The following WDR19 variants were observed in gnomAD, a reference collection of about 807,000 sequenced individuals.
WDR19 encodes WD repeat domain 19, also known as WD repeat-containing protein 19.
In WDR19, 121 loss-of-function variants were observed where a neutral mutation model predicts 180.0. The ratio of observed to expected loss-of-function variants is 0.67; its 90% CI spans 0.58 to 0.78. The LOEUF (loss-of-function observed/expected upper bound fraction) is 0.78. Among genes scored for constraint, WDR19 ranks in the 30% least tolerant of loss-of-function variants. The pLI is 0.00. For missense variants in WDR19, 1,450 were observed against 1,640.7 expected (o/e 0.88, Z 2.01); for synonymous variants, 497 against 540.7 (o/e 0.92, Z 1.12).
chr4:39,245,082 A>G (rs1732375333), intron 23 of WDR19, among the ~76,000 whole-genome samples: 1 of 151,216 alleles, frequency 6.6e-6, no homozygotes, highest in Admixed American at 6.6e-5. Context: ...GATTACAGGC[A>G]TGCTGCCACA....
chr4:39,201,328 G>C (rs1345017920), intron 6 of WDR19, among the ~76,000 whole-genome samples: 1 of 152,156 alleles, frequency 6.6e-6, no homozygotes, highest in Non-Finnish European at 1.5e-5. Context: ...TCTGCAAGAT[G>C]CATTTATTAT....
intron 9 of WDR19, among the ~76,000 whole-genome samples, chr4:39,212,751 T>C (rs1193235515): frequency 1.3e-5 from 2 of 152,260 alleles, no homozygotes; most frequent in Admixed American, 6.5e-5. Context: ...GACCCAACAG[T>C]ATGTCATATG....
intron 8 of WDR19, 112 bp downstream of exon 8, chr4:39,205,378 C>A (rs901275654): frequency 2.2e-4 from 263 of 1,202,062 alleles, no homozygotes; most frequent in Non-Finnish European, 2.8e-4. Context: ...TTCTATACGT[C>A]ACATTTTCTG....
chr4:39,253,761 A>G, intron 25 of WDR19, 145 bp from the exon 26 acceptor site: 1 of 576,860 alleles, frequency 1.7e-6, no homozygotes, highest in South Asian at 2.3e-5. Flanking sequence ...CCTGGGTGAC[A>G]GAGTGTGACT....
Position 39,240,177 on chromosome 4 carries a change from TAAAAAAAAAAAAA to T in WDR19, c.2364-87_2364-75del, listed in dbSNP as rs55876795. 1,113 of 146,872 alleles carry T rather than the reference TAAAAAAAAAAAAA, an allele frequency of 7.6e-3. 10 individuals carry two copies. The highest frequency in any genetic ancestry group is 0.01 in the Non-Finnish European group (1,040 of 103,596). The allele number at this position is 146,872 out of a possible 1,614,324, so 9.1% of individuals were successfully genotyped here. ...GGGCAACAGAGTGAGACCCTGTCTCTAAAAAAAAAAAAAAAAAAAAAAAAAGGAAAAAGTACAT... is the reference window on the plus strand; with the variant it reads ...GGGCAACAGAGTGAGACCCTGTCTCTAAAAAAAAAAAAGGAAAAAGTACAT... On this transcript the variant is annotated intron_variant, in intron 20 of 36. Transcript: ENST00000399820.
intron 24 of WDR19, among the ~76,000 whole-genome samples, chr4:39,247,130 G>A (rs754397127): frequency 6.6e-6 from 1 of 152,060 alleles, no homozygotes; most frequent in Non-Finnish European, 1.5e-5. Flanking sequence ...CACCTCACAC[G>A]GGGCTGGGTA....
intron 13 of WDR19, among the ~76,000 whole-genome samples, 187 bp downstream of exon 13, chr4:39,217,427 C>T (rs1729176377): frequency 6.6e-6 from 1 of 152,038 alleles, no homozygotes; most frequent in South Asian, 2.1e-4. Context: ...AACCCTGTTC[C>T]CCAAAAACCT....
intron 15 of WDR19, among the ~76,000 whole-genome samples, chr4:39,227,075 A>G (rs1461595823): frequency 6.6e-6 from 1 of 152,182 alleles, no homozygotes; most frequent in Non-Finnish European, 1.5e-5. Flanking sequence ...GATATTTTAC[A>G]ATCTTTTTTT....
chr4:39,261,862 G>C (rs6842390), intron 28 of WDR19, among the ~76,000 whole-genome samples: 64,195 of 151,982 alleles, frequency 0.42, 15,579 homozygotes, highest in African/African-American at 0.68. Flanking sequence ...GACATGTAGT[G>C]AGTGAAACCA....
At chr4:39,258,574 T>C (rs1733982004) in intron 28 of WDR19, among the ~76,000 whole-genome samples, 1 of 152,210 alleles carries the variant, frequency 6.6e-6, no homozygotes, top group African/African-American at 2.4e-5. Context: ...ATATTAGGAA[T>C]AAAGCTGCAC....
chr4:39,223,287 T>G (rs1367137958), intron 14 of WDR19, among the ~76,000 whole-genome samples: 1 of 152,190 alleles, frequency 6.6e-6, no homozygotes, highest in East Asian at 1.9e-4. Flanking sequence ...ATAAAGCTAT[T>G]AAAAATAAGA....
intron 19 of WDR19, 106 bp downstream of exon 19, chr4:39,232,378 A>G (rs1219233575): frequency 1.1e-6 from 1 of 916,684 alleles, no homozygotes; most frequent in Non-Finnish European, 1.7e-6. Context: ...TAATTCCAGC[A>G]CTTTGGGAGG....
chr4:39,281,236 TAGAGAGAG>T (rs1553919999), intron 36 of WDR19, among the ~76,000 whole-genome samples: 1 of 104,040 alleles, frequency 9.6e-6, no homozygotes, highest in Admixed American at 9.1e-5. Flanking sequence ...TATATATATA[TAGAGAGAG>T]AGAGAGAGAG....
intron 36 of WDR19, among the ~76,000 whole-genome samples, chr4:39,282,461 A>G (rs1277551953): frequency 6.6e-6 from 1 of 152,090 alleles, no homozygotes; most frequent in African/African-American, 2.4e-5. Context: ...GCAATGATGC[A>G]ATCTCAGCTC....
At position 39,270,205 on chromosome 4, in the gene WDR19, T is replaced by C. The variant is rs942577009; in HGVS notation, c.3483+105T>C. The C allele has an allele frequency of 2.5e-5, 36 of 1,438,344 alleles. No individual in the cohort carries two copies. The Middle Eastern group carries it at 1.3e-3, about 51-fold the overall frequency. The allele number at this position is 1,438,344 out of a possible 1,614,324, so 89.1% of individuals were successfully genotyped here. The stretch of plus-strand genomic sequence containing the variant: ...TTGGATTCGAGTGATTGTCTAGATG[T>C]CTGTATTGTTAAGTAACAAAACAAG... On this transcript the variant is annotated intron_variant, in intron 31 of 36. Coordinates refer to ENST00000399820, the MANE Select transcript of WDR19 (RefSeq NM_025132.4).
chr4:39,225,011 G>C lies in WDR19; in HGVS notation c.1607G>C (p.Ser536Thr), dbSNP rs115348383. The C allele has an allele frequency of 1.5e-3, 2,400 of 1,565,234 alleles. 38 individuals are homozygous for C. In the African/African-American group the frequency reaches 0.029, roughly 19 times the overall value. The change falls in exon 15 of 37, where the codon AGT becomes ACT. Residue 536 changes from serine to threonine, a missense_variant. Transcript: ENST00000399820. ...AGATTAGTTTTCATTGATGAAAAAA[G>C]TGATGGATTTGTTTACTGTCCAGTA... ...GTRLVFIDEK[S>T]DGFVYCPVND...
At chr4:39,243,274 C>T (rs1346154387) in intron 21 of WDR19, among the ~76,000 whole-genome samples, 1 of 152,156 alleles carries the variant, frequency 6.6e-6, no homozygotes, top group Non-Finnish European at 1.5e-5. Flanking sequence ...TAGTAATTCA[C>T]ACACACTCCA....
At chr4:39,282,657 C>CAA (rs1324325203) in intron 36 of WDR19, among the ~76,000 whole-genome samples, 1 of 152,216 alleles carries the variant, frequency 6.6e-6, no homozygotes, top group African/African-American at 2.4e-5. Context: ...CTCGGCCTCC[C>CAA]AAAGTGCTGG....
chr4:39,266,144 C>G lies in WDR19; in HGVS notation c.3261+4C>G. 6.4e-7 allele frequency: 1 copy of G among 1,556,520 alleles called. No homozygotes were observed. The highest frequency in any genetic ancestry group is 8.7e-7 in the Non-Finnish European group (1 of 1,149,136). On this transcript the variant is annotated splice_donor_region_variant and intron_variant, in intron 29 of 36. Transcript: ENST00000399820. ...GGAGAACGATGGCATGCCTAAGGTA[C>G]TGAACACGTGGGCTTCGTGTGCATC... is the stretch of plus-strand genomic sequence containing the variant.
Sources: gnomAD v4.1 joint callset for allele counts (sites outside exome capture counted in the v4.1 genomes callset) on GRCh38, gnomAD v4.1.1 for gene constraint, MANE v1.5 for transcripts, NCBI Gene and HGNC (gene_info 2026-07-23, HGNC 2026-07-21) for gene names.